Variants in STX11 observed in about 807,000 individuals in gnomAD.
STX11 encodes syntaxin-11.
STX11 carries 21 observed loss-of-function variants against 19.9 expected under a neutral mutation model. The ratio of observed to expected loss-of-function variants is 1.06; its 90% CI spans 0.75 to 1.52. STX11 has a LOEUF of 1.52. Ranked by LOEUF, STX11 falls within the 40% of genes most tolerant of loss-of-function variation. The pLI is 0.00. For missense variants in STX11, 438 were observed against 405.9 expected, an observed-to-expected ratio of 1.08 and a Z score of -0.68; for synonymous variants, 193 against 174.4, an observed-to-expected ratio of 1.11 and a Z score of -0.84.
the STX11 span, among the ~76,000 whole-genome samples, chr6:144,145,041 C>G: frequency 6.8e-6 from 1 of 146,366 alleles, no homozygotes; most frequent in Non-Finnish European, 1.6e-5. Flanking sequence ...AAATTCATTT[C>G]TGGGTATATA....
chr6:144,151,201 A>T lies in STX11; in HGVS notation c.-6+498A>T. On this transcript the variant is annotated intron_variant, in intron 1 of 1. Coordinates refer to ENST00000367568, the MANE Select transcript of STX11 (RefSeq NM_003764.4). The surrounding 1 kb of genome is among the most constrained non-coding windows in gnomAD (Gnocchi z 4.6). ...GGAGAAATTGATAGAGCCTTCGAGG[A>T]GTCCCTTCGAAGCCCACGTAAGACT... 1 of 973,024 alleles carries T rather than the reference A, an allele frequency of 1.0e-6. No homozygotes were observed. Among genetic ancestry groups the T allele is most frequent in the Non-Finnish European group, 1.2e-6 (1 of 818,656 alleles). The allele number at this position is 973,024 out of a possible 1,614,324, so 60.3% of individuals were successfully genotyped here.
At chr6:144,148,286 T>G (rs902072338), upstream of STX11, among the ~76,000 whole-genome samples, 1 of 152,232 alleles carries the variant, frequency 6.6e-6, no homozygotes, top group Non-Finnish European at 1.5e-5. Flanking sequence ...AAGCCCAGCA[T>G]GCTCCTGCCT....
rs1801268998 is a variant in STX11, at chr6:144,159,293, G to C, written c.-6+8590G>C. 6.6e-6 allele frequency among the ~76,000 whole-genome samples: 1 copy of C among 152,090 alleles called. No homozygotes were observed. The highest frequency in any genetic ancestry group is 2.4e-5 in the African/African-American group (1 of 41,392). Reference sequence around the variant, plus strand: ...CAAGCAGAGAAGATAAGTAACAATTGAATATGTTATCAAACAACTACCAAT... The same window carrying C: ...CAAGCAGAGAAGATAAGTAACAATTCAATATGTTATCAAACAACTACCAAT... On this transcript the variant is annotated intron_variant, in intron 1 of 1. Coordinates refer to ENST00000367568, the MANE Select transcript of STX11 (RefSeq NM_003764.4). The surrounding 1 kb of genome is among the most constrained non-coding windows in gnomAD (Gnocchi z 4.3).
intron 1 of STX11, 142 bp from the exon 2 acceptor site, chr6:144,186,481 T>A: frequency 1.0e-6 from 1 of 966,550 alleles, no homozygotes; most frequent in South Asian, 1.5e-5. Context: ...TGTCAGAACA[T>A]TTAGCTCCTT....
intron 1 of STX11, among the ~76,000 whole-genome samples, chr6:144,171,032 C>T (rs1801617235): frequency 6.6e-6 from 1 of 152,176 alleles, no homozygotes; most frequent in Non-Finnish European, 1.5e-5. Context: ...GCTTGAAAAG[C>T]ACTCTTCGAT....
upstream of STX11, among the ~76,000 whole-genome samples, chr6:144,146,550 G>T (rs1313214987): frequency 1.3e-5 from 2 of 152,160 alleles, no homozygotes; most frequent in Non-Finnish European, 2.9e-5. The surrounding 1 kb of genome is among the most constrained non-coding windows in gnomAD (Gnocchi z 4.4). Flanking sequence ...AACCTCAAGT[G>T]ACTCGCCCGC....
At chr6:144,156,330 C>T (rs1222007416) in intron 1 of STX11, among the ~76,000 whole-genome samples, 1 of 152,132 alleles carries the variant, frequency 6.6e-6, no homozygotes, top group African/African-American at 2.4e-5. Context: ...TCCCTGAGTG[C>T]TGGGATTATA....
chr6:144,172,788 T>G lies in STX11; in HGVS notation c.-5-13835T>G, dbSNP rs1562664145. On this transcript the variant is annotated intron_variant, in intron 1 of 1. Transcript: ENST00000367568. The surrounding 1 kb of genome is among the most constrained non-coding windows in gnomAD (Gnocchi z 4.2). Reference sequence around the variant, plus strand: ...GAGATAGCTCTTCTTATGCTGATCCTCTTGATCCCAAGACAATGAACAGGC... The same window carrying G: ...GAGATAGCTCTTCTTATGCTGATCCGCTTGATCCCAAGACAATGAACAGGC... Among the ~76,000 whole-genome samples, 1 of 152,048 alleles carries G rather than the reference T, an allele frequency of 6.6e-6. No individual in the cohort carries two copies. Among genetic ancestry groups the G allele is most frequent in the Non-Finnish European group, 1.5e-5 (1 of 68,026 alleles).
the STX11 span, among the ~76,000 whole-genome samples, chr6:144,143,504 C>T: frequency 6.6e-6 from 1 of 151,970 alleles, no homozygotes; most frequent in Non-Finnish European, 1.5e-5. Context: ...GTATCTGAAA[C>T]CAGGAAGGGA....
At position 144,176,197 on chromosome 6, in the gene STX11, C is replaced by G. The variant is rs557273506; in HGVS notation, c.-5-10426C>G. Among the ~76,000 whole-genome samples the G allele has an allele frequency of 6.6e-6, 1 of 152,016 alleles. No homozygotes were observed. The highest frequency in any genetic ancestry group is 1.5e-5 in the Non-Finnish European group (1 of 68,008). Reference sequence around the variant, plus strand: ...GCTCCTTAACAACACTAGCGCCTCCCGACCTAGTACCTCCCCACACTAGCG... The same window carrying G: ...GCTCCTTAACAACACTAGCGCCTCCGGACCTAGTACCTCCCCACACTAGCG... On this transcript the variant is annotated intron_variant, in intron 1 of 1. Coordinates refer to ENST00000367568, the MANE Select transcript of STX11 (RefSeq NM_003764.4). This position sits in a 1 kb window ranked among gnomAD's most constrained non-coding sequence, Gnocchi z 4.1.
chr6:144,155,946 CTTTCTTTCTTT>C lies in STX11; in HGVS notation c.-6+5244_-6+5254del, dbSNP rs1199756081. On this transcript the variant is annotated intron_variant, in intron 1 of 1. Coordinates refer to ENST00000367568, the MANE Select transcript of STX11 (RefSeq NM_003764.4). The surrounding 1 kb of genome is among the most constrained non-coding windows in gnomAD (Gnocchi z 4.5). ...AAATGTGTTTTAAAATTTAATCTTT[CTTTCTTTCTTT>C]CTTTCTTTCTTTCTTTCTTTCTTTC... 0.054 allele frequency among the ~76,000 whole-genome samples: 1,285 copies of C among 23,872 alleles called. 33 individuals carry two copies. The highest frequency in any genetic ancestry group is 0.15 in the East Asian group (264 of 1,732). 15.7% of individuals were successfully genotyped at this position (23,872 alleles called of 152,430 possible).
In STX11 at chr6:144,180,069, T is replaced by C. The variant is rs1267906193; in HGVS notation, c.-5-6554T>C. Among the ~76,000 whole-genome samples, 1 of 152,248 alleles carries C rather than the reference T, an allele frequency of 6.6e-6. No homozygotes were observed. The highest frequency in any genetic ancestry group is 2.4e-5 in the African/African-American group (1 of 41,464). ...CCATAATAAGCTTCACAAGGTTTGCTGTGTGCCTTGAGCTGCTCTGTATTG... is the reference window on the plus strand; with the variant it reads ...CCATAATAAGCTTCACAAGGTTTGCCGTGTGCCTTGAGCTGCTCTGTATTG... On this transcript the variant is annotated intron_variant, in intron 1 of 1. Coordinates refer to ENST00000367568, the MANE Select transcript of STX11 (RefSeq NM_003764.4). The surrounding 1 kb of genome is among the most constrained non-coding windows in gnomAD (Gnocchi z 5.3).
Position 144,150,719 on chromosome 6 carries a change from C to T in STX11, c.-6+16C>T. ...CCCAGTCCAGGTTTGTTTTTCTCTT[C>T]CTGAGCCCCCATTTCTCTTCCTGAC... On this transcript the variant is annotated intron_variant, in intron 1 of 1. Transcript: ENST00000367568. 1 of 984,890 alleles carries T rather than the reference C, an allele frequency of 1.0e-6. No individual in the cohort carries two copies. The highest frequency in any genetic ancestry group is 1.2e-6 in the Non-Finnish European group (1 of 829,776). The allele number at this position is 984,890 out of a possible 1,614,324, so 61.0% of individuals were successfully genotyped here.
intron 1 of STX11, among the ~76,000 whole-genome samples, chr6:144,181,377 C>T (rs1231512700): frequency 6.6e-6 from 1 of 151,914 alleles, no homozygotes; most frequent in African/African-American, 2.4e-5. Flanking sequence ...GGTGGATCAC[C>T]TGAGATCAAG....
Position 144,187,723 on chromosome 6 carries a change from CA to C in STX11, c.*234del, listed in dbSNP as rs1802099817. 3 of 636,046 alleles carry C rather than the reference CA, an allele frequency of 4.7e-6. No individual in the cohort carries two copies. In the Admixed American group the frequency reaches 8.8e-5, roughly 19 times the overall value. The allele number at this position is 636,046 out of a possible 1,614,324, so 39.4% of individuals were successfully genotyped here. ...AAAGATAGATTCCCACAAAGTTGTG[CA>C]ATGTCATTATATGACACCTTGCACT... On this transcript the variant is annotated 3_prime_UTR_variant, in exon 2 of 2. Coordinates refer to ENST00000367568, the MANE Select transcript of STX11 (RefSeq NM_003764.4). The surrounding 1 kb of genome is among the most constrained non-coding windows in gnomAD (Gnocchi z 5.6).
At chr6:144,149,665 A>C (rs567444633), upstream of STX11, among the ~76,000 whole-genome samples, 45 of 152,200 alleles carry the variant, frequency 3.0e-4, 1 homozygote, top group South Asian at 9.3e-3. This position sits in a 1 kb window ranked among gnomAD's most constrained non-coding sequence, Gnocchi z 5.1. Context: ...TTGTAGAGAT[A>C]GGCTTTCACC....
intron 1 of STX11, among the ~76,000 whole-genome samples, chr6:144,181,192 G>A (rs1801903800): frequency 6.6e-6 from 1 of 152,112 alleles, no homozygotes; most frequent in African/African-American, 2.4e-5. Context: ...GGGGGAGAGA[G>A]GCCAGTAGCT....
chr6:144,154,345 C>T lies in STX11; in HGVS notation c.-6+3642C>T, dbSNP rs963759479. On this transcript the variant is annotated intron_variant, in intron 1 of 1. Coordinates refer to ENST00000367568, the MANE Select transcript of STX11 (RefSeq NM_003764.4). The surrounding 1 kb of genome is among the most constrained non-coding windows in gnomAD (Gnocchi z 4.7). ...CCTACTGTGCTACATGACATCCCAC[C>T]CCCTACCTTCACTCCAAGAAATACC... Among the ~76,000 whole-genome samples, 4 of 152,122 alleles carry T rather than the reference C, an allele frequency of 2.6e-5. No homozygotes were observed. The highest frequency in any genetic ancestry group is 4.4e-5 in the Non-Finnish European group (3 of 68,020).
In STX11 at chr6:144,160,891, T is replaced by G. The variant is rs1246430090; in HGVS notation, c.-6+10188T>G. On this transcript the variant is annotated intron_variant, in intron 1 of 1. Coordinates refer to ENST00000367568, the MANE Select transcript of STX11 (RefSeq NM_003764.4). The surrounding 1 kb of genome is among the most constrained non-coding windows in gnomAD (Gnocchi z 4.3). ...TGTGATGACGACCATTTGCCATGTA[T>G]TTTCATATCTTTCCTCACCCCCTTT... Among the ~76,000 whole-genome samples, 1 of 152,224 alleles carries G rather than the reference T, an allele frequency of 6.6e-6. No individual in the cohort carries two copies. Among genetic ancestry groups the G allele is most frequent in the Non-Finnish European group, 1.5e-5 (1 of 68,044 alleles).
Sources: allele counts gnomAD v4.1 joint callset (sites outside exome capture counted in the v4.1 genomes callset), GRCh38; gene constraint gnomAD v4.1.1; non-coding constraint Gnocchi (gnomAD v3.1); transcripts MANE v1.5; gene names NCBI Gene and HGNC (gene_info 2026-07-23, HGNC 2026-07-21).